The following NRG2 variants were observed in gnomAD, a reference collection of about 807,000 sequenced individuals.
NRG2 encodes neuregulin 2.
NRG2 carries 27 observed loss-of-function variants against 73.9 expected under a neutral mutation model. The ratio of observed to expected loss-of-function variants is 0.37; its 90% confidence interval spans 0.27 to 0.50. NRG2 has a LOEUF of 0.50. Ranked by LOEUF, NRG2 falls within the 20% of genes least tolerant of loss-of-function variation. The pLI, the probability that NRG2 is intolerant of heterozygous loss-of-function variation, is 0.96. For missense variants in NRG2, 1,126 were observed against 1,210.1 expected, an observed-to-expected ratio of 0.93 and a Z score of 1.03; for synonymous variants, 532 against 541.0, an observed-to-expected ratio of 0.98 and a Z score of 0.23.
At chr5:140,010,406 CTT>C (rs938635401) in intron 1 of NRG2, among the ~76,000 whole-genome samples, 1 of 152,118 alleles carries the variant, frequency 6.6e-6, no homozygotes, top group African/African-American at 2.4e-5. Flanking sequence ...AATGTATAGA[CTT>C]TGGGTGATAA....
intron 9 of NRG2, 82 bp from the exon 10 acceptor site, chr5:139,848,779 G>GGGGGGGGGGGGGGGGGGT: frequency 5.0e-6 from 1 of 198,600 alleles, no homozygotes; most frequent in East Asian, 2.0e-4. Flanking sequence ...GGTAGGGTGG[G>GGGGGGGGGGGGGGGGGGT]AGGGGCGGAC....
intron 1 of NRG2, among the ~76,000 whole-genome samples, chr5:140,041,685 AG>A (rs1251830245): frequency 6.7e-6 from 1 of 150,214 alleles, no homozygotes. Context: ...AAAAAAAAAA[AG>A]GTGTCTGCTT....
chr5:140,033,278 T>C (rs1761281117), intron 1 of NRG2, among the ~76,000 whole-genome samples: 1 of 152,136 alleles, frequency 6.6e-6, no homozygotes, highest in Non-Finnish European at 1.5e-5. Flanking sequence ...TTTCAGCCAT[T>C]TTCCAGGGAC....
intron 1 of NRG2, among the ~76,000 whole-genome samples, chr5:140,013,614 C>T (rs976547182): frequency 1.3e-5 from 2 of 152,184 alleles, no homozygotes; most frequent in Non-Finnish European, 2.9e-5. Context: ...CCACCCTACT[C>T]CTTTGTTCAC....
Position 139,915,668 on chromosome 5 carries a change from G to A in NRG2, c.701-28157C>T, listed in dbSNP as rs1233207726. On this transcript the variant is annotated intron_variant, in intron 1 of 9. Transcript: ENST00000361474. This position sits in a 1 kb window ranked among gnomAD's most constrained non-coding sequence, Gnocchi z 4.0. ...GTATATTCAGACAACTCTGAATATT[G>A]TCATTCAATTTACAAGTAGCAGAAC... Among the ~76,000 whole-genome samples, 1 of 152,178 alleles carries A rather than the reference G, an allele frequency of 6.6e-6. No individual in the cohort carries two copies. Among genetic ancestry groups the A allele is most frequent in the Non-Finnish European group, 1.5e-5 (1 of 68,028 alleles).
At chr5:139,929,019 C>T (rs1337662324) in intron 1 of NRG2, among the ~76,000 whole-genome samples, 1 of 152,176 alleles carries the variant, frequency 6.6e-6, no homozygotes, top group African/African-American at 2.4e-5. Flanking sequence ...TTCTAGCACC[C>T]CATGAAAGGT....
chr5:139,893,493 C>A lies in NRG2; in HGVS notation c.701-5982G>T, dbSNP rs567181126. ...ACAAGAAAGGGGAGAAAGTTCCCAG[C>A]ACTCTGCACCCATGGCCATTACTGA... On this transcript the variant is annotated intron_variant, in intron 1 of 9. Transcript: ENST00000361474. 2.0e-5 allele frequency among the ~76,000 whole-genome samples: 3 copies of A among 152,326 alleles called. No individual in the cohort carries two copies. The East Asian group carries it at 5.8e-4, about 29-fold the overall frequency.
At chr5:139,910,071 G>A (rs1204945851) in intron 1 of NRG2, among the ~76,000 whole-genome samples, 1 of 152,196 alleles carries the variant, frequency 6.6e-6, no homozygotes, top group Non-Finnish European at 1.5e-5. Flanking sequence ...CTTGGATACT[G>A]GAACACTTTT....
In NRG2 at chr5:139,855,605, T is replaced by G. The variant is rs992591799; in HGVS notation, c.1292+71A>C. ...TCCAGTGGGGTGGGGGAGGAAAGTC[T>G]TCTTCACACACATTCTTGGAGGCCC... On this transcript the variant is annotated intron_variant, in intron 6 of 9. Transcript: ENST00000361474. The G allele has an allele frequency of 6.0e-6, 8 of 1,322,756 alleles. No individual in the cohort carries two copies. In the South Asian group the frequency reaches 7.0e-5, roughly 12 times the overall value. 81.9% of individuals were successfully genotyped at this position (1,322,756 alleles called of 1,614,324 possible). A position where few individuals can be genotyped will look rare whatever the true frequency, so the allele number is the denominator to read the frequency against.
chr5:140,041,567 C>T (rs1328524690), intron 1 of NRG2, among the ~76,000 whole-genome samples: 1 of 150,370 alleles, frequency 6.7e-6, no homozygotes, highest in Non-Finnish European at 1.5e-5. Context: ...ATACATCCGG[C>T]GAGTAAGACG....
At chr5:140,000,897 T>A (rs1758417728) in intron 1 of NRG2, among the ~76,000 whole-genome samples, 1 of 152,236 alleles carries the variant, frequency 6.6e-6, no homozygotes, top group South Asian at 2.1e-4. Context: ...AAAACGTCAG[T>A]GGCTTCTTAC....
intron 1 of NRG2, among the ~76,000 whole-genome samples, chr5:140,009,331 A>G (rs899911427): frequency 2.0e-5 from 3 of 152,178 alleles, no homozygotes; most frequent in African/African-American, 7.2e-5. Context: ...TCTTACCCAG[A>G]GCTAAGCAGA....
intron 3 of NRG2, among the ~76,000 whole-genome samples, chr5:139,879,029 C>T (rs62383881): frequency 0.038 from 5,721 of 152,312 alleles, 135 homozygotes; most frequent in Non-Finnish European, 0.058. Context: ...ACTACTTTTA[C>T]ATCGTACAGC....
At chr5:139,866,171 G>C (rs1339208038) in intron 4 of NRG2, among the ~76,000 whole-genome samples, 2 of 152,122 alleles carry the variant, frequency 1.3e-5, no homozygotes, top group African/African-American at 2.4e-5. Flanking sequence ...TGACAAAAGT[G>C]ACCTAAGAGA....
intron 4 of NRG2, among the ~76,000 whole-genome samples, chr5:139,866,929 C>A (rs1403084462): frequency 6.6e-6 from 1 of 152,182 alleles, no homozygotes; most frequent in African/African-American, 2.4e-5. Flanking sequence ...ACAGGGAGGG[C>A]TAGACCCCTT....
Position 139,848,390 on chromosome 5 carries a change from C to A in NRG2, c.2080G>T (p.Gly694Cys). 8.0e-7 allele frequency: 1 copy of A among 1,254,114 alleles called. No individual in the cohort carries two copies. Among genetic ancestry groups the A allele is most frequent in the South Asian group, 3.3e-5 (1 of 30,712 alleles). The allele number at this position is 1,254,114 out of a possible 1,614,324, so 77.7% of individuals were successfully genotyped here. Residue 694 changes from glycine (G) to cysteine (C), a missense_variant, in exon 10 of 10, where the codon GGC (glycine) becomes TGC (cysteine). This residue lies in a region of NRG2 where 402 missense variants were observed against 357.8 expected (regional missense o/e 1.12). Transcript: ENST00000361474. ...PGPRRGTCAL[G>C]GSLGSLPASP... is the part of the protein sequence containing the mutation. Reference sequence around the variant, plus strand: ...GCAGGCAGGCTGCCCAGGCTGCCGCCGAGCGCGCAGGTCCCGCGCCGCGGT... The same window carrying A: ...GCAGGCAGGCTGCCCAGGCTGCCGCAGAGCGCGCAGGTCCCGCGCCGCGGT...
intron 1 of NRG2, among the ~76,000 whole-genome samples, chr5:139,888,746 T>C (rs1270442737): frequency 6.6e-6 from 1 of 152,206 alleles, no homozygotes; most frequent in Non-Finnish European, 1.5e-5. Flanking sequence ...TAAAAATGTA[T>C]GACGTAGGCT....
chr5:139,859,103 G>A (rs769158340), intron 5 of NRG2, among the ~76,000 whole-genome samples: 39 of 152,202 alleles, frequency 2.6e-4, no homozygotes, highest in Admixed American at 1.2e-3. Flanking sequence ...GGAGCCTCCC[G>A]GTGCAAAGCC....
chr5:139,862,725 G>A (rs1457754015), intron 5 of NRG2, among the ~76,000 whole-genome samples: 2 of 152,242 alleles, frequency 1.3e-5, no homozygotes, highest in East Asian at 3.8e-4. Context: ...CATGTGTGCA[G>A]GTATGTAAGA....
Sources: allele counts gnomAD v4.1 joint callset (sites outside exome capture counted in the v4.1 genomes callset), GRCh38; gene constraint gnomAD v4.1.1; regional missense constraint gnomAD v4.1.1; non-coding constraint Gnocchi (gnomAD v3.1); transcripts MANE v1.5; gene names NCBI Gene and HGNC (gene_info 2026-07-23, HGNC 2026-07-21).